ATXN7: variants seen among roughly 807,000 people sequenced by gnomAD.
The protein encoded by ATXN7 is ataxin-7.
A neutral mutation model predicts 70.5 loss-of-function variants in ATXN7; 12 were observed. The ratio of observed to expected loss-of-function variants is 0.17; its 90% CI spans 0.11 to 0.28. ATXN7 has a LOEUF of 0.28. Among genes scored for constraint, ATXN7 ranks in the 10% least tolerant of loss-of-function variants. The pLI, the probability that ATXN7 is intolerant of heterozygous loss-of-function variation, is 1.00. For missense variants in ATXN7, 1,256 were observed against 1,131.7 expected (o/e 1.11, Z -1.58); for synonymous variants, 498 against 448.7 (o/e 1.11, Z -1.39).
At chr3:63,897,873 A>T (rs956601176) in intron 1 of ATXN7, among the ~76,000 whole-genome samples, 2 of 152,238 alleles carry the variant, frequency 1.3e-5, no homozygotes, top group Admixed American at 1.3e-4. Flanking sequence ...GCACACAACT[A>T]TGAAGATAAT....
chr3:63,907,062 C>G (rs138163008), intron 2 of ATXN7, among the ~76,000 whole-genome samples: 1 of 152,238 alleles, frequency 6.6e-6, no homozygotes, highest in Non-Finnish European at 1.5e-5. Context: ...TACTATGTGA[C>G]AAGCATGGTG....
intron 1 of ATXN7, among the ~76,000 whole-genome samples, chr3:63,867,834 G>A (rs1338255830): frequency 6.6e-6 from 1 of 152,118 alleles, no homozygotes; most frequent in African/African-American, 2.4e-5. Context: ...AGGTTGCAGT[G>A]AGCCGAGATC....
At chr3:63,981,453 C>T (rs536256213) in intron 6 of ATXN7, among the ~76,000 whole-genome samples, 2 of 152,294 alleles carry the variant, frequency 1.3e-5, no homozygotes, top group East Asian at 1.9e-4. Flanking sequence ...TAGAGCTAGG[C>T]CTTTAGATAG....
chr3:63,931,191 G>C (rs911821721), intron 4 of ATXN7, among the ~76,000 whole-genome samples: 2 of 151,966 alleles, frequency 1.3e-5, no homozygotes, highest in Admixed American at 6.6e-5. Context: ...CTCCTGCCTC[G>C]GTGTCCCAAA....
intron 12 of ATXN7, chr3:63,997,816 T>C: frequency 6.9e-7 from 1 of 1,457,636 alleles, no homozygotes; most frequent in Non-Finnish European, 9.0e-7. Flanking sequence ...GTGATATAAT[T>C]TTCCTCTAAT....
In ATXN7 at chr3:64,002,042, T is replaced by C. The variant is rs1490099280; in HGVS notation, c.*2575T>C. On this transcript the variant is annotated 3_prime_UTR_variant, in exon 13 of 13. Coordinates refer to ENST00000674280, the MANE Select transcript of ATXN7 (RefSeq NM_001377405.1). Reference sequence around the variant, plus strand: ...AAGTGCTGCAATGATGAACAAAGAATTATACAAAACCTACTTTTGTATCTT... The same window carrying C: ...AAGTGCTGCAATGATGAACAAAGAACTATACAAAACCTACTTTTGTATCTT... The C allele has an allele frequency of 6.6e-6, 1 of 152,170 alleles. No homozygotes were observed. The highest frequency in any genetic ancestry group is 1.5e-5 in the Non-Finnish European group (1 of 67,956). 9.4% of individuals were successfully genotyped at this position (152,170 alleles called of 1,614,324 possible). A position where few individuals can be genotyped will look rare whatever the true frequency, so the allele number is the denominator to read the frequency against.
chr3:63,984,965 T>A (rs2075550378), intron 8 of ATXN7, among the ~76,000 whole-genome samples: 1 of 152,224 alleles, frequency 6.6e-6, no homozygotes, highest in Non-Finnish European at 1.5e-5. Context: ...CAGAATTTCC[T>A]TCTTTTTAAG....
intron 9 of ATXN7, among the ~76,000 whole-genome samples, chr3:63,989,883 C>T (rs1462296675): frequency 6.6e-6 from 1 of 152,152 alleles, no homozygotes; most frequent in Non-Finnish European, 1.5e-5. Flanking sequence ...ATGTATTTCC[C>T]CTTCTTTGGG....
intron 4 of ATXN7, among the ~76,000 whole-genome samples, chr3:63,914,165 G>A (rs766161623): frequency 5.9e-5 from 9 of 152,194 alleles, no homozygotes; most frequent in Non-Finnish European, 1.2e-4. Flanking sequence ...TTGCAGAATT[G>A]TTGTCTATGG....
chr3:63,901,239 G>A (rs1012430158), intron 2 of ATXN7: 2 of 152,070 alleles, frequency 1.3e-5, no homozygotes, highest in Admixed American at 6.6e-5. Context: ...ATTAACGTAG[G>A]CATTACTTCT....
chr3:63,920,587 C>A (rs1308137357), intron 4 of ATXN7, among the ~76,000 whole-genome samples: 1 of 152,140 alleles, frequency 6.6e-6, no homozygotes, highest in Non-Finnish European at 1.5e-5. Context: ...TACCAAAAGC[C>A]ATTTTTTTTA....
intron 1 of ATXN7, among the ~76,000 whole-genome samples, chr3:63,882,748 C>A (rs1702953197): frequency 6.6e-6 from 1 of 152,034 alleles, no homozygotes; most frequent in African/African-American, 2.4e-5. Context: ...GACATAGGTG[C>A]TGACATTTTT....
chr3:63,970,417 A>AT (rs1491503323), intron 5 of ATXN7, among the ~76,000 whole-genome samples: 1 of 152,192 alleles, frequency 6.6e-6, no homozygotes, highest in Non-Finnish European at 1.5e-5. Context: ...ACAAAAAAAA[A>AT]GGGTGTTATA....
At chr3:63,970,064 G>T (rs1020658827) in intron 5 of ATXN7, among the ~76,000 whole-genome samples, 5 of 152,192 alleles carry the variant, frequency 3.3e-5, no homozygotes, top group African/African-American at 9.7e-5. Context: ...GCTCTCTGAG[G>T]ATAGCAGAGA....
chr3:63,929,523 T>C (rs1281309199), intron 4 of ATXN7, among the ~76,000 whole-genome samples: 5 of 152,136 alleles, frequency 3.3e-5, no homozygotes, highest in Admixed American at 3.3e-4. Context: ...CGCCTGCCTC[T>C]GCTTCCCAAA....
chr3:63,990,480 G>T, intron 10 of ATXN7, 106 bp downstream of exon 10: 1 of 1,400,964 alleles, frequency 7.1e-7, no homozygotes, highest in Non-Finnish European at 9.9e-7. Context: ...TGTGGGACGC[G>T]GTCAAGGTGT....
chr3:63,940,729 G>A (rs140234590), intron 4 of ATXN7, among the ~76,000 whole-genome samples: 16 of 152,268 alleles, frequency 1.1e-4, no homozygotes, highest in African/African-American at 3.6e-4. Flanking sequence ...TGTATGCCTA[G>A]ATGTGCCTAG....
At chr3:63,868,669 G>A (rs1045064309) in intron 1 of ATXN7, among the ~76,000 whole-genome samples, 2 of 151,946 alleles carry the variant, frequency 1.3e-5, no homozygotes, top group African/African-American at 4.8e-5. Flanking sequence ...GGATGCTGCT[G>A]GGCAGGAAGA....
chr3:63,890,070 T>A (rs911840417), intron 1 of ATXN7, among the ~76,000 whole-genome samples: 4 of 152,226 alleles, frequency 2.6e-5, no homozygotes, highest in African/African-American at 9.6e-5. Context: ...GCTAAGTGTT[T>A]ATGTTCATTC....
Sources: allele counts gnomAD v4.1 joint callset (sites outside exome capture counted in the v4.1 genomes callset), GRCh38; gene constraint gnomAD v4.1.1; transcripts MANE v1.5; gene names NCBI Gene and HGNC (gene_info 2026-07-23, HGNC 2026-07-21).